Variants in NADK observed in about 807,000 individuals in gnomAD.
NADK encodes poly(P)/ATP NAD kinase.
In NADK, 22 loss-of-function variants were observed where a neutral mutation model predicts 49.8. The ratio of observed to expected loss-of-function variants is 0.44; its 90% CI spans 0.32 to 0.63. The LOEUF (loss-of-function observed/expected upper bound fraction) is 0.63. NADK is among the 30% of genes least tolerant of loss of function. NADK has a pLI of 0.06. For synonymous variants in NADK, 268 were observed against 253.7 expected (o/e 1.06, Z -0.54); for missense variants, 438 against 609.4 (o/e 0.72, Z 2.96).
intron 3 of NADK, chr1:1,759,152 C>G: frequency 6.4e-7 from 1 of 1,558,412 alleles, no homozygotes; most frequent in Non-Finnish European, 8.7e-7. Context: ...CTGAGCCCAG[C>G]CAGAGCCACC....
rs1645662167 is a variant in NADK, at chr1:1,759,883, C to CAAAG, written c.263+2068_263+2069insCTTT. 4 of 1,550,550 alleles carry CAAAG rather than the reference C, an allele frequency of 2.6e-6. No individual in the cohort carries two copies. In the East Asian group the frequency reaches 9.8e-5, roughly 38 times the overall value. ...GCTGGTGAAGGCAGCAGCTGAGATG[C>CAAAG]GAGTGACAAAGGAGTGGCTCTGCCA... On this transcript the variant is annotated intron_variant, in intron 3 of 11. Transcript: ENST00000341426.
At chr1:1,759,673 C>T (rs762186352) in intron 3 of NADK, 118 of 1,499,756 alleles carry the variant, frequency 7.9e-5, no homozygotes, top group African/African-American at 3.3e-4. Context: ...CCAGAGGGGG[C>T]GTGCTCCCAT....
At chr1:1,765,012 C>T (rs1645841872) in intron 2 of NADK, among the ~76,000 whole-genome samples, 1 of 152,242 alleles carries the variant, frequency 6.6e-6, no homozygotes, top group Non-Finnish European at 1.5e-5. Context: ...CGGTGGCACC[C>T]TGTGCCTGTG....
At chr1:1,765,126 A>T in intron 2 of NADK, 102 bp downstream of exon 2, 1 of 1,205,418 alleles carries the variant, frequency 8.3e-7, no homozygotes, top group Non-Finnish European at 1.1e-6. Context: ...TTCCGGATGC[A>T]TCGACGCAGA....
intron 3 of NADK, among the ~76,000 whole-genome samples, chr1:1,758,170 G>A (rs937039975): frequency 1.3e-5 from 2 of 152,112 alleles, no homozygotes; most frequent in African/African-American, 2.4e-5. Flanking sequence ...TTATACCACC[G>A]CGCCAGCCAG....
At chr1:1,753,393 C>T (rs1265269632) in intron 11 of NADK, among the ~76,000 whole-genome samples, 174 bp downstream of exon 11, 1 of 152,202 alleles carries the variant, frequency 6.6e-6, no homozygotes, top group Non-Finnish European at 1.5e-5. Flanking sequence ...CCGTATGCGA[C>T]CCGCTGCCCC....
At chr1:1,757,143 T>C in intron 4 of NADK, 38 bp downstream of exon 4, 2 of 1,536,436 alleles carry the variant, frequency 1.3e-6, no homozygotes, top group Non-Finnish European at 1.8e-6. Flanking sequence ...CCCAACTCCA[T>C]GTGCACCCCA....
intron 1 of NADK, among the ~76,000 whole-genome samples, chr1:1,767,511 C>A (rs1645922771): frequency 6.6e-6 from 1 of 152,060 alleles, no homozygotes; most frequent in South Asian, 2.1e-4. Context: ...AGAAGAGGGG[C>A]CGTGCACAGA....
chr1:1,756,454 G>T, intron 5 of NADK, 49 bp downstream of exon 5: 1 of 1,612,616 alleles, frequency 6.2e-7, no homozygotes, highest in Non-Finnish European at 8.5e-7. Flanking sequence ...TTCCAATGGG[G>T]CGGGGAACTG....
intron 1 of NADK, among the ~76,000 whole-genome samples, chr1:1,768,171 C>CA (rs1186857370): frequency 0.028 from 2,644 of 95,408 alleles, 74 homozygotes; most frequent in African/African-American, 0.087. Context: ...AACTCCGTCT[C>CA]AAAAAAAAAA....
chr1:1,757,147 CACCCCAGG>C, intron 4 of NADK, 26 bp downstream of exon 4: 9 of 1,417,068 alleles, frequency 6.4e-6, no homozygotes, highest in Non-Finnish European at 8.7e-6. Flanking sequence ...ACTCCATGTG[CACCCCAGG>C]CCCCCTTCCC....
In NADK at chr1:1,753,608, G is replaced by C; in HGVS notation, c.1143C>G (p.Ser381=). 1 of 1,612,844 alleles carries C rather than the reference G, an allele frequency of 6.2e-7. No homozygotes were observed. The highest frequency in any genetic ancestry group is 8.5e-7 in the Non-Finnish European group (1 of 1,179,440). The part of the protein sequence containing the change: ...SPEARNTAWV[S]FDGRKRQEIR... ...TCTCTTGTCTCTTCCGTCCATCAAA[G>C]GACACCCATGCTGTGTTCCTTGCTT... is the stretch of plus-strand genomic sequence containing the variant. The change falls in exon 11 of 12, where the codon TCC becomes TCG. Residue 381 remains serine (S), a synonymous_variant. Coordinates refer to ENST00000341426, the MANE Select transcript of NADK (RefSeq NM_023018.5).
chr1:1,771,134 T>C (rs1646041090), intron 1 of NADK, among the ~76,000 whole-genome samples: 1 of 148,388 alleles, frequency 6.7e-6, no homozygotes, highest in Non-Finnish European at 1.5e-5. Context: ...TATATACATA[T>C]ATATGATCTA....
rs746745439 is a variant in NADK, at chr1:1,759,225, C to T, written c.264-1915G>A. 62 of 1,574,742 alleles carry T rather than the reference C, an allele frequency of 3.9e-5. No homozygotes were observed. Among genetic ancestry groups the T allele is most frequent in the Middle Eastern group, 1.7e-4 (1 of 6,050 alleles). ...TGTGTGTGACCACAAACCAGCGCCT[C>T]GACCTCTTCCTGGGTCACCTGCAAA... On this transcript the variant is annotated intron_variant, in intron 3 of 11. Coordinates refer to ENST00000341426, the MANE Select transcript of NADK (RefSeq NM_023018.5).
chr1:1,758,628 G>A (rs1214767929), intron 3 of NADK: 1 of 1,439,484 alleles, frequency 6.9e-7, no homozygotes, highest in East Asian at 2.5e-5. Flanking sequence ...TGGTAAAGTT[G>A]TTGTAAAAGC....
At chr1:1,759,923 A>G in intron 3 of NADK, 10 of 1,550,220 alleles carry the variant, frequency 6.5e-6, no homozygotes, top group Non-Finnish European at 8.7e-6. Context: ...CAGGAAGTGC[A>G]GGGAGGGCAC....
rs144624776 is a variant in NADK at position 1,765,335 on chromosome 1, C to T, written c.72G>A (p.Ser24=). The change falls in exon 2 of 12, where the codon TCG becomes TCA. Residue 24 remains serine (S), a synonymous_variant. Transcript: ENST00000341426. Reference sequence around the variant, plus strand: ...TCCAGGTCTCATCGCCGTGGCAGGCCGAGCAGCAGTAAGCAGCCGCGTCTG... The same window carrying T: ...TCCAGGTCTCATCGCCGTGGCAGGCTGAGCAGCAGTAAGCAGCCGCGTCTG... ...LSPDAAAYCC[S]ACHGDETWSY... 1.2e-3 allele frequency: 1,888 copies of T among 1,613,586 alleles called. 1 individual carries two copies. Among genetic ancestry groups the T allele is most frequent in the Non-Finnish European group, 1.5e-3 (1,736 of 1,179,806 alleles).
At chr1:1,758,047 G>C (rs1645586363) in intron 3 of NADK, among the ~76,000 whole-genome samples, 1 of 152,188 alleles carries the variant, frequency 6.6e-6, no homozygotes, top group African/African-American at 2.4e-5. Context: ...CCCAGAACCG[G>C]GAACACACAC....
Position 1,756,302 on chromosome 1 carries a change from G to A in NADK, c.541C>T (p.Leu181=), listed in dbSNP as rs1374130646. ...ISNQIDFIIC[L]GGDGTLLYAS... is the part of the protein sequence containing the mutation. The stretch of plus-strand genomic sequence containing the variant: ...TACAGCAGCGTCCCGTCTCCCCCCA[G>A]GCAGATGATGAAGTCTATCTGATTG... Residue 181 remains leucine, a synonymous_variant, in exon 6 of 12, where the codon CTG becomes TTG. Transcript: ENST00000341426. 6.8e-6 allele frequency: 11 copies of A among 1,614,038 alleles called. No homozygotes were observed. The highest frequency in any genetic ancestry group is 1.1e-5 in the South Asian group (1 of 91,094).
Sources: gnomAD v4.1 joint callset for allele counts (sites outside exome capture counted in the v4.1 genomes callset) on GRCh38, gnomAD v4.1.1 for gene constraint, MANE v1.5 for transcripts, NCBI Gene and HGNC (gene_info 2026-07-23, HGNC 2026-07-21) for gene names.